The following DACH1 variants were observed in gnomAD, a reference collection of about 807,000 sequenced individuals.
The protein encoded by DACH1 is dachshund family transcription factor 1.
Under a neutral mutation model 54.2 loss-of-function variants are expected in DACH1, and 12 were observed. That is an observed-to-expected ratio of 0.22 (90% CI 0.14 to 0.36). The LOEUF is 0.36. DACH1 is among the 10% of genes least tolerant of loss of function. DACH1 has a pLI of 1.00. For missense variants in DACH1, 805 were observed against 929.8 expected (o/e 0.87, Z 1.75); for synonymous variants, 386 against 366.2 (o/e 1.05, Z -0.62).
chr13:71,497,189 A>T (rs1879507350), intron 6 of DACH1, among the ~76,000 whole-genome samples: 1 of 152,212 alleles, frequency 6.6e-6, no homozygotes, highest in Non-Finnish European at 1.5e-5. Flanking sequence ...TAAAATATAA[A>T]ATACTATATT....
chr13:71,514,813 C>T lies in DACH1; in HGVS notation c.1571-25665G>A, dbSNP rs551380176. Among the ~76,000 whole-genome samples the T allele has an allele frequency of 7.9e-5, 12 of 151,968 alleles. No individual in the cohort carries two copies. In the East Asian group the frequency reaches 9.7e-4, roughly 12 times the overall value. ...AAAAAGGATAATGCAGCCCACCACA[C>T]TTAGGGTAATTTATTTTTGTTAGAC... On this transcript the variant is annotated intron_variant, in intron 6 of 10. Transcript: ENST00000613252.
At chr13:71,551,996 T>A (rs1400505798) in intron 6 of DACH1, among the ~76,000 whole-genome samples, 1 of 151,980 alleles carries the variant, frequency 6.6e-6, no homozygotes, top group African/African-American at 2.4e-5. Context: ...CTGAAGCAAA[T>A]CCCCTGGATT....
intron 1 of DACH1, among the ~76,000 whole-genome samples, chr13:71,740,882 T>A (rs1044769326): frequency 1.3e-5 from 2 of 152,124 alleles, no homozygotes; most frequent in African/African-American, 2.4e-5. Context: ...AACATTTTTT[T>A]AAAATTATGT....
At chr13:71,478,892 C>G (rs7981076) in intron 8 of DACH1, among the ~76,000 whole-genome samples, 1 of 151,998 alleles carries the variant, frequency 6.6e-6, no homozygotes, top group Non-Finnish European at 1.5e-5. Flanking sequence ...TTATTCTTAT[C>G]TTAAAGAACA....
intron 2 of DACH1, among the ~76,000 whole-genome samples, chr13:71,672,233 G>A (rs1311598437): frequency 1.3e-5 from 2 of 152,116 alleles, no homozygotes. Flanking sequence ...TATGGTTACA[G>A]AGCCAAATGA....
chr13:71,459,164 G>A (rs1176183596), intron 10 of DACH1, among the ~76,000 whole-genome samples: 2 of 151,870 alleles, frequency 1.3e-5, no homozygotes, highest in Non-Finnish European at 2.9e-5. Context: ...TTTTAATGCA[G>A]TACTTTAATG....
At chr13:71,811,856 A>T (rs914249719) in intron 1 of DACH1, among the ~76,000 whole-genome samples, 1 of 152,234 alleles carries the variant, frequency 6.6e-6, no homozygotes, top group African/African-American at 2.4e-5. Flanking sequence ...CTATACCAGC[A>T]GTTCATTTTT....
chr13:71,780,016 A>G (rs981674097), intron 1 of DACH1, among the ~76,000 whole-genome samples: 2 of 152,140 alleles, frequency 1.3e-5, no homozygotes, highest in African/African-American at 4.8e-5. Flanking sequence ...GAATGAATGA[A>G]TGAATGAATG....
intron 1 of DACH1, among the ~76,000 whole-genome samples, chr13:71,787,517 G>A (rs915614813): frequency 3.9e-5 from 6 of 152,126 alleles, no homozygotes; most frequent in African/African-American, 9.7e-5. Context: ...ATGAGCCTTC[G>A]CAAATCATTG....
intron 2 of DACH1, among the ~76,000 whole-genome samples, chr13:71,642,747 G>A (rs560066275): frequency 5.9e-5 from 9 of 152,190 alleles, no homozygotes; most frequent in African/African-American, 2.2e-4. Context: ...CAGGCCGGGC[G>A]CAGTGGCTCA....
intron 1 of DACH1, among the ~76,000 whole-genome samples, chr13:71,770,962 AATT>A (rs1434745864): frequency 1.3e-5 from 2 of 151,510 alleles, no homozygotes; most frequent in African/African-American, 2.4e-5. Context: ...GATTGCTAGC[AATT>A]ATTATACTGA....
At chr13:71,510,682 C>T (rs1178973856) in intron 6 of DACH1, among the ~76,000 whole-genome samples, 1 of 151,898 alleles carries the variant, frequency 6.6e-6, no homozygotes, top group Non-Finnish European at 1.5e-5. Flanking sequence ...AGACTCAAAA[C>T]TGTGTTTTAA....
At chr13:71,746,587 C>T (rs1884610734) in intron 1 of DACH1, among the ~76,000 whole-genome samples, 1 of 152,170 alleles carries the variant, frequency 6.6e-6, no homozygotes, top group African/African-American at 2.4e-5. Context: ...CACCAGCAAC[C>T]TATTCTTTGC....
In DACH1 at chr13:71,851,191, T is replaced by A. The variant is rs141176225; in HGVS notation, c.848+14731A>T. 3.5e-3 allele frequency among the ~76,000 whole-genome samples: 533 copies of A among 152,354 alleles called. 2 individuals are homozygous for A. Among genetic ancestry groups the A allele is most frequent in the African/African-American group, 0.012 (502 of 41,580 alleles). On this transcript the variant is annotated intron_variant, in intron 1 of 10. Transcript: ENST00000613252. ...CTGTTGACCACATAAACTTTGTCTT[T>A]AACCTCCTTCTTAATAGAGATTAAT...
At chr13:71,694,088 G>C (rs903168269) in intron 1 of DACH1, among the ~76,000 whole-genome samples, 2 of 152,168 alleles carry the variant, frequency 1.3e-5, no homozygotes, top group African/African-American at 4.8e-5. Flanking sequence ...GCAGAGGCAA[G>C]ATGGCTGACG....
At chr13:71,452,556 C>T (rs1875165923) in intron 10 of DACH1, among the ~76,000 whole-genome samples, 1 of 152,166 alleles carries the variant, frequency 6.6e-6, no homozygotes, top group Non-Finnish European at 1.5e-5. Flanking sequence ...TCCACATATA[C>T]TGTTTCACTG....
At chr13:71,534,750 T>C (rs1397254979) in intron 6 of DACH1, among the ~76,000 whole-genome samples, 2 of 152,000 alleles carry the variant, frequency 1.3e-5, no homozygotes, top group African/African-American at 4.8e-5. Context: ...CTAAATTCCA[T>C]TGTCATACAA....
chr13:71,477,745 G>C (rs942050653), intron 8 of DACH1, among the ~76,000 whole-genome samples: 49 of 152,188 alleles, frequency 3.2e-4, no homozygotes, highest in African/African-American at 1.1e-3. Context: ...CCTGCACTTT[G>C]CCATTGACCG....
intron 1 of DACH1, among the ~76,000 whole-genome samples, chr13:71,718,055 G>A (rs1014281604): frequency 1.3e-5 from 2 of 151,852 alleles, no homozygotes; most frequent in East Asian, 3.9e-4. Flanking sequence ...CACCTAGAAG[G>A]CCCCAGAAAA....
Sources: allele counts gnomAD v4.1 joint callset (sites outside exome capture counted in the v4.1 genomes callset), GRCh38; gene constraint gnomAD v4.1.1; transcripts MANE v1.5; gene names NCBI Gene and HGNC (gene_info 2026-07-23, HGNC 2026-07-21).